Variants in SIPA1L1 observed in about 807,000 individuals in gnomAD.
SIPA1L1 encodes the protein signal induced proliferation associated 1 like 1.
SIPA1L1 carries 26 observed loss-of-function variants against 162.7 expected under a neutral mutation model. That is an observed-to-expected ratio of 0.16 (90% CI 0.12 to 0.22). The LOEUF is 0.22. Ranked by LOEUF, SIPA1L1 falls within the 10% of genes least tolerant of loss-of-function variation. SIPA1L1 has a pLI of 1.00. For missense variants in SIPA1L1, 1,874 were observed against 2,241.0 expected (o/e 0.84, Z 3.31); for synonymous variants, 829 against 837.4 (o/e 0.99, Z 0.17).
intron 7 of SIPA1L1, among the ~76,000 whole-genome samples, chr14:71,642,770 G>A (rs1371689353): frequency 1.3e-5 from 2 of 152,076 alleles, no homozygotes; most frequent in Non-Finnish European, 2.9e-5. Flanking sequence ...TGACTCTGAT[G>A]TCTTTTTAAT....
At chr14:71,634,588 T>C (rs764841780) in intron 7 of SIPA1L1, among the ~76,000 whole-genome samples, 1 of 151,880 alleles carries the variant, frequency 6.6e-6, no homozygotes, top group East Asian at 1.9e-4. Context: ...AATTGAGACA[T>C]TCTCAGATAA....
intron 4 of SIPA1L1, among the ~76,000 whole-genome samples, chr14:71,535,072 T>G (rs934093216): frequency 6.6e-6 from 1 of 152,178 alleles, no homozygotes; most frequent in African/African-American, 2.4e-5. Flanking sequence ...ATCTATAATT[T>G]TACCGTCCAG....
chr14:71,654,954 T>C (rs1320380004), intron 8 of SIPA1L1, among the ~76,000 whole-genome samples: 5 of 152,174 alleles, frequency 3.3e-5, no homozygotes, highest in Admixed American at 3.3e-4. Flanking sequence ...AGTAATATAG[T>C]AAACAGTCTT....
At chr14:71,410,253 C>G (rs112561953) in intron 2 of SIPA1L1, among the ~76,000 whole-genome samples, 2,673 of 152,292 alleles carry the variant, frequency 0.018, 30 homozygotes, top group African/African-American at 0.026. Context: ...CACACTATGT[C>G]TACCTTAGTA....
intron 2 of SIPA1L1, among the ~76,000 whole-genome samples, chr14:71,364,412 G>A (rs1255399738): frequency 6.6e-6 from 1 of 152,028 alleles, no homozygotes; most frequent in Non-Finnish European, 1.5e-5. Context: ...CCCTTAGTCT[G>A]GCCGTTTCAT....
At chr14:71,367,752 G>A (rs1238014448) in intron 2 of SIPA1L1, among the ~76,000 whole-genome samples, 19 of 150,834 alleles carry the variant, frequency 1.3e-4, no homozygotes, top group African/African-American at 3.4e-4. Flanking sequence ...GATTACAGGC[G>A]CCCACTACCA....
intron 14 of SIPA1L1, among the ~76,000 whole-genome samples, chr14:71,700,229 T>C (rs903453482): frequency 3.3e-5 from 5 of 152,188 alleles, no homozygotes; most frequent in Admixed American, 2.6e-4. Context: ...GTTCAGAGGT[T>C]TAAAAGTTTA....
intron 7 of SIPA1L1, among the ~76,000 whole-genome samples, chr14:71,645,790 T>C (rs373063850): frequency 6.6e-6 from 1 of 152,170 alleles, no homozygotes; most frequent in African/African-American, 2.4e-5. Context: ...AATAGTGTTT[T>C]GAAGATAGTT....
intron 6 of SIPA1L1, among the ~76,000 whole-genome samples, chr14:71,622,131 A>T (rs938182249): frequency 6.6e-6 from 1 of 152,224 alleles, no homozygotes; most frequent in African/African-American, 2.4e-5. Context: ...GATAAGAAAA[A>T]AGAAAACATG....
chr14:71,382,648 C>T (rs896028121), intron 2 of SIPA1L1, among the ~76,000 whole-genome samples: 7 of 151,982 alleles, frequency 4.6e-5, no homozygotes, highest in African/African-American at 7.3e-5. Flanking sequence ...GTTTCTCCCT[C>T]GGTAAGGGTT....
intron 7 of SIPA1L1, among the ~76,000 whole-genome samples, chr14:71,624,584 A>C (rs1225692255): frequency 2.0e-5 from 3 of 152,230 alleles, no homozygotes; most frequent in African/African-American, 7.2e-5. Context: ...AACAGTAATT[A>C]ATAATAATGA....
intron 2 of SIPA1L1, among the ~76,000 whole-genome samples, chr14:71,425,286 G>A (rs190429415): frequency 7.1e-4 from 108 of 152,012 alleles, no homozygotes; most frequent in Non-Finnish European, 1.1e-3. Context: ...TGAGCTTTGG[G>A]TTTAGTTTGT....
chr14:71,731,581 T>C (rs117621646), intron 20 of SIPA1L1, among the ~76,000 whole-genome samples: 207 of 152,352 alleles, frequency 1.4e-3, no homozygotes, highest in Non-Finnish European at 2.4e-3. Context: ...CTCTTATTTC[T>C]CTGTACTTTT....
At position 71,429,991 on chromosome 14, in the gene SIPA1L1, G is replaced by T. The variant is rs988572585; in HGVS notation, c.-464-82752G>T. The stretch of plus-strand genomic sequence containing the variant: ...CTTGTTTTACAATCTGTGCATTGGG[G>T]GTAAAGCTAGGTGTGAGGGTTGTCT... On this transcript the variant is annotated intron_variant, in intron 2 of 23. Coordinates refer to ENST00000381232, the MANE Select transcript of SIPA1L1 (RefSeq NM_001386936.1). Among the ~76,000 whole-genome samples the T allele has an allele frequency of 3.9e-5, 6 of 152,166 alleles. 1 individual carries two copies. Among genetic ancestry groups the T allele is most frequent in the African/African-American group, 7.2e-5 (3 of 41,442 alleles).
At chr14:71,654,951 T>G (rs920649858) in intron 8 of SIPA1L1, among the ~76,000 whole-genome samples, 1 of 152,150 alleles carries the variant, frequency 6.6e-6, no homozygotes, top group Non-Finnish European at 1.5e-5. Flanking sequence ...CTTAGTAATA[T>G]AGTAAACAGT....
intron 2 of SIPA1L1, among the ~76,000 whole-genome samples, chr14:71,445,141 C>A (rs1442480744): frequency 6.6e-6 from 1 of 152,192 alleles, no homozygotes; most frequent in African/African-American, 2.4e-5. Context: ...GCTTCATTGA[C>A]AGTTTCTACT....
intron 2 of SIPA1L1, among the ~76,000 whole-genome samples, chr14:71,354,074 T>G (rs2036983929): frequency 6.6e-6 from 1 of 152,080 alleles, no homozygotes; most frequent in Non-Finnish European, 1.5e-5. Flanking sequence ...TCTGAGGACC[T>G]ACAGATGCAG....
intron 2 of SIPA1L1, among the ~76,000 whole-genome samples, chr14:71,501,516 A>G (rs1454024048): frequency 6.6e-6 from 1 of 152,166 alleles, no homozygotes; most frequent in Admixed American, 6.5e-5. Flanking sequence ...TGACCATACA[A>G]AAACAGGCAG....
intron 2 of SIPA1L1, among the ~76,000 whole-genome samples, chr14:71,399,131 G>A (rs1003860282): frequency 6.6e-6 from 1 of 152,148 alleles, no homozygotes; most frequent in African/African-American, 2.4e-5. Flanking sequence ...TGACCACTAT[G>A]ATGCTCATAA....
Sources: gnomAD v4.1 joint callset for allele counts (sites outside exome capture counted in the v4.1 genomes callset) on GRCh38, gnomAD v4.1.1 for gene constraint, MANE v1.5 for transcripts, NCBI Gene and HGNC (gene_info 2026-07-23, HGNC 2026-07-21) for gene names.